FAM83C: variants seen among roughly 807,000 people sequenced by gnomAD.
FAM83C encodes the protein scaffolding CK1 anchoring protein C, also known as protein FAM83C.
A neutral mutation model predicts 27.1 loss-of-function variants in FAM83C; 23 were observed. That is an observed-to-expected ratio of 0.85 (90% CI 0.61 to 1.20). The LOEUF is 1.20. Among genes scored for constraint, FAM83C ranks in the 50% most tolerant of loss-of-function variants. FAM83C has a pLI of 0.00. For synonymous variants in FAM83C, 426 were observed against 423.1 expected, an observed-to-expected ratio of 1.01 and a Z score of -0.09; for missense variants, 984 against 1,001.3, an observed-to-expected ratio of 0.98 and a Z score of 0.23.
rs750713478 is a variant in FAM83C at position 35,292,038 on chromosome 20, AG to A, written c.266del (p.Pro89LeufsTer35). On this transcript the variant is annotated frameshift_variant, in exon 1 of 4. Coordinates refer to ENST00000374408, the MANE Select transcript of FAM83C (RefSeq NM_178468.6). LOFTEE classifies it high-confidence loss of function. The part of the protein sequence containing the change: ...DYMTSHVRGG[P>X]ELSEAQGQEA... The stretch of plus-strand genomic sequence containing the variant: ...CCTGCCCCTGAGCCTCGCTGAGCTC[AG>A]GGCCCCCGCGCACATGGCTGGTCAT... 9.9e-6 allele frequency: 16 copies of A among 1,613,086 alleles called. No homozygotes were observed. The East Asian group carries it at 3.3e-4, about 34-fold the overall frequency.
rs1485816715 is a variant in FAM83C at position 35,287,629 on chromosome 20, C to T, written c.1150G>A (p.Ala384Thr). Reference sequence around the variant, plus strand: ...GGCTGGCCACTGGCCTCACGGCGGGCAGGACCCAGGGACGAGGACACCACA... The same window carrying T: ...GGCTGGCCACTGGCCTCACGGCGGGTAGGACCCAGGGACGAGGACACCACA... The part of the protein sequence containing the change: ...TGVVSSSLGP[A>T]RREASGQPSL... The change falls in exon 4 of 4, where the codon GCC (alanine) becomes ACC (threonine). Residue 384 changes from alanine (A) to threonine (T), a missense_variant. Physicochemically the swap from Ala to Thr is moderately conservative, Grantham distance 58. Transcript: ENST00000374408. 1 of 1,613,964 alleles carries T rather than the reference C, an allele frequency of 6.2e-7. No homozygotes were observed. Among genetic ancestry groups the T allele is most frequent in the Admixed American group, 1.7e-5 (1 of 60,002 alleles).
In FAM83C at chr20:35,292,174, G is replaced by T. The variant is rs201726999; in HGVS notation, c.131C>A (p.Ala44Glu). ...GAGGGCGTCGGCCGCCAGCCGAGCC[G>T]CCTCGCTGTGCCGCAGCACCAGCGG... The part of the protein sequence containing the change: ...SSPLVLRHSE[A>E]ARLAADALLE... The change falls in exon 1 of 4, where the codon GCG becomes GAG. Residue 44 changes from alanine (A) to glutamate (E), a missense_variant. Coordinates refer to ENST00000374408, the MANE Select transcript of FAM83C (RefSeq NM_178468.6). 9.8e-4 allele frequency: 1,562 copies of T among 1,596,698 alleles called. 2 individuals are homozygous for T. The highest frequency in any genetic ancestry group is 1.1e-3 in the Non-Finnish European group (1,331 of 1,178,974).
rs756547646 is a variant in FAM83C, at chr20:35,287,293, CCTT to C, written c.1483_1485del (p.Lys495del). 7 of 1,613,468 alleles carry C rather than the reference CCTT, an allele frequency of 4.3e-6. No individual in the cohort carries two copies. The highest frequency in any genetic ancestry group is 2.2e-5 in the South Asian group (2 of 91,086). On this transcript the variant is annotated inframe_deletion, in exon 4 of 4. Transcript: ENST00000374408. ...CTCTGACTTGGAGATGCCTTCTTCT[CCTT>C]CTCCTCCACTGTCTCCAGGGTTGTG...
chr20:35,288,019 T>TG, intron 3 of FAM83C, 47 bp from the exon 4 acceptor site: 1 of 1,503,542 alleles, frequency 6.7e-7, no homozygotes, highest in Admixed American at 2.0e-5. Flanking sequence ...TGCAGGATCC[T>TG]GGGGGTCGGC....
intron 1 of FAM83C, 149 bp downstream of exon 1, chr20:35,291,643 C>T (rs1409661730): frequency 2.0e-6 from 2 of 1,010,300 alleles, no homozygotes; most frequent in African/African-American, 1.6e-5. Flanking sequence ...GGGATGTCCC[C>T]CTTCTAGGAG....
In FAM83C at chr20:35,287,510, G is replaced by C. The variant is rs1242444751; in HGVS notation, c.1269C>G (p.Ser423=). The C allele has an allele frequency of 3.1e-6, 5 of 1,614,074 alleles. No homozygotes were observed. The highest frequency in any genetic ancestry group is 8.5e-7 in the Non-Finnish European group (1 of 1,180,020). ...TATGGTTGAGGGCAGGGGAGGACTG[G>C]GACCATGGGTATGCCCCTAGCTTGC... is the stretch of plus-strand genomic sequence containing the variant. ...NLGKLGAYPW[S]QSSPALNHNS... The change falls in exon 4 of 4, where the codon TCC becomes TCG. Residue 423 remains serine (S), a synonymous_variant. Coordinates refer to ENST00000374408, the MANE Select transcript of FAM83C (RefSeq NM_178468.6).
rs1280207556 is a variant in FAM83C at position 35,287,662 on chromosome 20, C to T, written c.1117G>A (p.Asp373Asn). 6.2e-7 allele frequency: 1 copy of T among 1,614,010 alleles called. No individual in the cohort carries two copies. Among genetic ancestry groups the T allele is most frequent in the Non-Finnish European group, 8.5e-7 (1 of 1,179,912 alleles). ...LALPGGGDCSDTGVVSSSLGP... is the reference protein window; with the variant it reads ...LALPGGGDCSNTGVVSSSLGP... ...AGGGACGAGGACACCACACCCGTAT[C>T]ACTGCAATCACCACCTCCTGGTAGA... The change falls in exon 4 of 4, where the codon GAT (aspartate) becomes AAT (asparagine). Residue 373 changes from aspartate to asparagine, a missense_variant. Coordinates refer to ENST00000374408, the MANE Select transcript of FAM83C (RefSeq NM_178468.6).
Position 35,285,848 on chromosome 20 carries a change from A to G in FAM83C, c.*687T>C. ...CCTGTACTTCAAGAGACACTCAGCA[A>G]GATGATGACGACGACAATGATGATG... On this transcript the variant is annotated 3_prime_UTR_variant, in exon 4 of 4. Coordinates refer to ENST00000374408, the MANE Select transcript of FAM83C (RefSeq NM_178468.6). 6.4e-6 allele frequency: 1 copy of G among 156,532 alleles called. No individual in the cohort carries two copies. Among genetic ancestry groups the G allele is most frequent in the East Asian group, 1.9e-4 (1 of 5,286 alleles). 9.7% of individuals were successfully genotyped at this position (156,532 alleles called of 1,614,324 possible). A position where few individuals can be genotyped will look rare whatever the true frequency, so the allele number is the denominator to read the frequency against.
intron 1 of FAM83C, 45 bp from the exon 2 acceptor site, chr20:35,289,003 C>T (rs774586897): frequency 6.3e-7 from 1 of 1,578,678 alleles, no homozygotes; most frequent in Non-Finnish European, 8.6e-7. Context: ...GCCCAGGGCA[C>T]TCCCCACATC....
rs961371923 is a variant in FAM83C at position 35,291,918 on chromosome 20, G to C, written c.387C>G (p.Asp129Glu). 2.5e-6 allele frequency: 4 copies of C among 1,612,562 alleles called. No individual in the cohort carries two copies. The Admixed American group carries it at 5.0e-5, about 20-fold the overall frequency. ...MASDIDPPDL[D>E]LGWPEVPQAT... Reference sequence around the variant, plus strand: ...CCTGTGGCACCTCGGGCCAGCCCAGGTCCAGGTCTGGGGGGTCTATGTCAG... The same window carrying C: ...CCTGTGGCACCTCGGGCCAGCCCAGCTCCAGGTCTGGGGGGTCTATGTCAG... The change falls in exon 1 of 4, where the codon GAC (aspartate) becomes GAG (glutamate). Residue 129 changes from aspartate to glutamate, a missense_variant. Transcript: ENST00000374408.
rs1433744112 is a variant in FAM83C at position 35,287,010 on chromosome 20, C to G, written c.1769G>C (p.Ser590Thr). The change falls in exon 4 of 4, where the codon AGC (serine) becomes ACC (threonine). Residue 590 changes from serine to threonine, a missense_variant. Physicochemically the swap from Ser to Thr is moderately conservative, Grantham distance 58. Coordinates refer to ENST00000374408, the MANE Select transcript of FAM83C (RefSeq NM_178468.6). ...CATCAGGAGGTCTGATTGGCCACGG[C>G]TTTGGTTTAGGGACAGCCTCCTGTC... ...LEDRRLSLNQ[S>T]RGQSDLLMQY... 3 of 1,608,814 alleles carry G rather than the reference C, an allele frequency of 1.9e-6. No homozygotes were observed. The Admixed American group carries it at 5.0e-5, about 27-fold the overall frequency.
chr20:35,292,003 C>G lies in FAM83C; in HGVS notation c.302G>C (p.Gly101Ala). 6.2e-7 allele frequency: 1 copy of G among 1,613,574 alleles called. No homozygotes were observed. The highest frequency in any genetic ancestry group is 8.5e-7 in the Non-Finnish European group (1 of 1,179,814). ...AGAGAGCAGGCTGAGGCGGTCTGGC[C>G]CGGAGGCCTCCTGCCCCTGAGCCTC... The part of the protein sequence containing the change: ...LSEAQGQEAS[G>A]PDRLSLLSEV... Residue 101 changes from glycine (G) to alanine (A), a missense_variant, in exon 1 of 4, where the codon GGG becomes GCG. Physicochemically the swap from Gly to Ala is moderately conservative, Grantham distance 60. Coordinates refer to ENST00000374408, the MANE Select transcript of FAM83C (RefSeq NM_178468.6).
intron 3 of FAM83C, among the ~76,000 whole-genome samples, 184 bp from the exon 4 acceptor site, chr20:35,288,156 G>GGGCC (rs201065338): frequency 0.34 from 51,565 of 152,088 alleles, 11,728 homozygotes; most frequent in African/African-American, 0.65. Context: ...CCTGCTTAGT[G>GGGCC]TGTGACCTCA....
In FAM83C at chr20:35,292,053, A is replaced by G. The variant is rs2060848701; in HGVS notation, c.252T>C (p.His84=). ...SALDVDYMTS[H]VRGGPELSEA... ...CGCTGAGCTCAGGGCCCCCGCGCACATGGCTGGTCATGTAGTCCACATCCA... is the reference window on the plus strand; with the variant it reads ...CGCTGAGCTCAGGGCCCCCGCGCACGTGGCTGGTCATGTAGTCCACATCCA... The change falls in exon 1 of 4, where the codon CAT becomes CAC. Residue 84 remains histidine, a synonymous_variant. Transcript: ENST00000374408. The G allele has an allele frequency of 6.2e-7, 1 of 1,611,928 alleles. No individual in the cohort carries two copies. The highest frequency in any genetic ancestry group is 8.5e-7 in the Non-Finnish European group (1 of 1,179,952).
intron 1 of FAM83C, among the ~76,000 whole-genome samples, chr20:35,291,548 G>A (rs1350890663): frequency 6.6e-6 from 1 of 152,208 alleles, no homozygotes; most frequent in Non-Finnish European, 1.5e-5. Context: ...GCATTTCAGG[G>A]GATTGTGGAG....
rs372024240 is a variant in FAM83C at position 35,289,641 on chromosome 20, GT to G, written c.514-684del. ...CGTGAGCCACCACGCCCAGTCGCTA[GT>G]TTTTTTTTAATTCTAATTTTTTGTA... On this transcript the variant is annotated intron_variant, in intron 1 of 3. Transcript: ENST00000374408. Among the ~76,000 whole-genome samples, 669 of 151,452 alleles carry G rather than the reference GT, an allele frequency of 4.4e-3. 4 individuals carry two copies. The highest frequency in any genetic ancestry group is 3.2e-3 in the Non-Finnish European group (220 of 67,798).
In FAM83C at chr20:35,287,118, T is replaced by C; in HGVS notation, c.1661A>G (p.Gln554Arg). The change falls in exon 4 of 4, where the codon CAG becomes CGG. Residue 554 changes from glutamine to arginine, a missense_variant. Gln to Arg is a conservative substitution (Grantham distance 43). Transcript: ENST00000374408. Reference sequence around the variant, plus strand: ...CAGGGCTCGGGACAGGAGATCCAGCTGGCTGTCGGCCTGGCTTGGGGACAA... The same window carrying C: ...CAGGGCTCGGGACAGGAGATCCAGCCGGCTGTCGGCCTGGCTTGGGGACAA... ...RRLSPSQADS[Q>R]LDLLSRALGT... 6.2e-7 allele frequency: 1 copy of C among 1,604,138 alleles called. No homozygotes were observed. The highest frequency in any genetic ancestry group is 8.5e-7 in the Non-Finnish European group (1 of 1,178,538).
At position 35,292,310 on chromosome 20, in the gene FAM83C, C is replaced by A; in HGVS notation, c.-6G>T. On this transcript the variant is annotated 5_prime_UTR_variant, in exon 1 of 4. Transcript: ENST00000374408. ...GGCCCCGGGCCTCCGAACATGCCTG[C>A]CACGCGGCTGCCTCACCCGCCGGCA... The A allele has an allele frequency of 4.0e-6, 6 of 1,482,324 alleles. No homozygotes were observed. Among genetic ancestry groups the A allele is most frequent in the Non-Finnish European group, 2.7e-6 (3 of 1,122,424 alleles). The allele number at this position is 1,482,324 out of a possible 1,614,324, so 91.8% of individuals were successfully genotyped here.
Position 35,287,647 on chromosome 20 carries a change from A to T in FAM83C, c.1132T>A (p.Ser378Thr), listed in dbSNP as rs758278625. The T allele has an allele frequency of 1.5e-5, 25 of 1,613,798 alleles. No individual in the cohort carries two copies. The highest frequency in any genetic ancestry group is 2.0e-5 in the Non-Finnish European group (24 of 1,179,896). The stretch of plus-strand genomic sequence containing the variant: ...CGGCGGGCAGGACCCAGGGACGAGG[A>T]CACCACACCCGTATCACTGCAATCA... ...GGDCSDTGVV[S>T]SSLGPARREA... The change falls in exon 4 of 4, where the codon TCC becomes ACC. Residue 378 changes from serine to threonine, a missense_variant. Transcript: ENST00000374408.
Sources: allele counts gnomAD v4.1 joint callset (sites outside exome capture counted in the v4.1 genomes callset), GRCh38; gene constraint gnomAD v4.1.1; transcripts MANE v1.5; gene names NCBI Gene and HGNC (gene_info 2026-07-23, HGNC 2026-07-21).